Variants in REPS2 observed in about 807,000 individuals in gnomAD.
REPS2 encodes the protein ralBP1-associated Eps domain-containing protein 2.
A neutral mutation model predicts 53.6 loss-of-function variants in REPS2; 23 were observed. The observed-to-expected ratio is 0.43, with a 90% CI of 0.31 to 0.61. The LOEUF (loss-of-function observed/expected upper bound fraction) is 0.61. Ranked by LOEUF, REPS2 falls within the 20% of genes least tolerant of loss-of-function variation. The probability of loss-of-function intolerance (pLI) is 0.11; values close to 1 mark genes in which losing one functional copy is unlikely to be tolerated. For synonymous variants in REPS2, 238 were observed against 218.6 expected (o/e 1.09, Z -0.78); for missense variants, 446 against 534.9 (o/e 0.83, Z 1.64).
At chrX:16,978,513 T>C (rs2060984014) in intron 1 of REPS2, 4 of 734,074 alleles carry the variant, frequency 5.4e-6, no homozygotes, top group Admixed American at 9.0e-5. Context: ...TTTCTTTTTT[T>C]TTTTGTTGAG....
intron 17 of REPS2, among the ~76,000 whole-genome samples, chrX:17,144,895 T>G (rs1288993097): frequency 2.7e-5 from 3 of 111,569 alleles, no homozygotes; most frequent in Non-Finnish European, 3.8e-5. Context: ...CCATCAGAGT[T>G]GGGGCTTAGG....
At chrX:16,978,043 G>T (rs2060977338) in intron 1 of REPS2, among the ~76,000 whole-genome samples, 1 of 111,736 alleles carries the variant, frequency 8.9e-6, no homozygotes. Flanking sequence ...CATCATGGTG[G>T]TTCCTGGGTA....
At chrX:17,133,611 C>T (rs2063323448) in intron 14 of REPS2, among the ~76,000 whole-genome samples, 2 of 111,399 alleles carry the variant, frequency 1.8e-5, no homozygotes, top group Admixed American at 1.9e-4. Flanking sequence ...ATTCCTTTTC[C>T]TAAGGTTGAA....
chrX:17,172,967 GTGTA>G, the REPS2 span, among the ~76,000 whole-genome samples: 9 of 67,033 alleles, frequency 1.3e-4, no homozygotes, highest in African/African-American at 5.0e-4. Flanking sequence ...TTCAGTCTGT[GTGTA>G]TGTATGTGTG....
the REPS2 span, among the ~76,000 whole-genome samples, chrX:17,173,796 A>C: frequency 8.9e-6 from 1 of 112,068 alleles, no homozygotes; most frequent in Non-Finnish European, 1.9e-5. Context: ...CAATCTTTTC[A>C]TAGGCCCTTA....
At chrX:17,140,837 C>T (rs2063435140) in intron 17 of REPS2, among the ~76,000 whole-genome samples, 1 of 108,035 alleles carries the variant, frequency 9.3e-6, no homozygotes, top group South Asian at 4.0e-4. Context: ...GTGGCGTGAT[C>T]TCTGCTCACT....
chrX:17,104,581 C>T (rs1038822571), intron 14 of REPS2, among the ~76,000 whole-genome samples: 2 of 111,759 alleles, frequency 1.8e-5, no homozygotes, highest in Non-Finnish European at 3.8e-5. Flanking sequence ...CATACGGGGA[C>T]ATCTCAGGAC....
intron 13 of REPS2, among the ~76,000 whole-genome samples, chrX:17,086,725 G>T (rs377391308): frequency 4.3e-4 from 48 of 112,620 alleles, no homozygotes; most frequent in African/African-American, 1.4e-3. Flanking sequence ...CATTTAATTT[G>T]TGACTATTAT....
the REPS2 span, among the ~76,000 whole-genome samples, chrX:17,161,781 A>G: frequency 8.9e-6 from 1 of 112,110 alleles, no homozygotes; most frequent in Admixed American, 9.4e-5. Context: ...GTCTGTATTC[A>G]GTTTCCAACA....
intron 13 of REPS2, among the ~76,000 whole-genome samples, chrX:17,087,878 C>G (rs184169661): frequency 7.3e-5 from 8 of 110,006 alleles, no homozygotes; most frequent in African/African-American, 2.7e-4. Context: ...GAGCCGAGAT[C>G]GTGCCACTGC....
chrX:17,190,854 C>T, the REPS2 span, among the ~76,000 whole-genome samples: 2 of 111,976 alleles, frequency 1.8e-5, no homozygotes, highest in African/African-American at 6.5e-5. Context: ...GTTGCAAAGG[C>T]TTTGCAGTGG....
chrX:16,977,008 G>T (rs193074581), intron 1 of REPS2, among the ~76,000 whole-genome samples: 58 of 111,588 alleles, frequency 5.2e-4, no homozygotes, highest in African/African-American at 1.9e-3. Context: ...TGAAAGATTA[G>T]CATATTGATA....
At chrX:17,010,597 G>C (rs2061416673) in intron 2 of REPS2, among the ~76,000 whole-genome samples, 1 of 111,562 alleles carries the variant, frequency 9.0e-6, no homozygotes, top group South Asian at 3.8e-4. Context: ...TTCCTCACTT[G>C]TCCAGTTTGT....
intron 3 of REPS2, among the ~76,000 whole-genome samples, chrX:17,023,292 G>A (rs1234195769): frequency 9.0e-6 from 1 of 111,030 alleles, no homozygotes; most frequent in African/African-American, 3.3e-5. Flanking sequence ...GCCGGGCGTG[G>A]TGGCATGTGC....
At chrX:17,035,560 T>C (rs1484024852) in intron 5 of REPS2, among the ~76,000 whole-genome samples, 1 of 111,174 alleles carries the variant, frequency 9.0e-6, no homozygotes, top group Non-Finnish European at 1.9e-5. Context: ...TCAAGAATTA[T>C]TTACCAAGGC....
intron 1 of REPS2, among the ~76,000 whole-genome samples, chrX:16,962,587 T>C (rs1048915923): frequency 1.8e-5 from 2 of 111,244 alleles, no homozygotes; most frequent in African/African-American, 6.5e-5. Flanking sequence ...AGTCTAGAGA[T>C]GTACAGCAGG....
Position 17,143,581 on chromosome X carries a change from T to C in REPS2, c.1915-3832T>C, listed in dbSNP as rs543403744. ...ATTCTCCCTTACTGATATTCAGACA[T>C]TGGACTTCTTAGCTTAGTTCTCTAA... On this transcript the variant is annotated intron_variant, in intron 17 of 17. Coordinates refer to ENST00000357277, the MANE Select transcript of REPS2 (RefSeq NM_004726.3). Among the ~76,000 whole-genome samples, 22 of 108,321 alleles carry C rather than the reference T, an allele frequency of 2.0e-4. 2 individuals are homozygous for C. The highest frequency in any genetic ancestry group is 4.3e-4 in the South Asian group (1 of 2,314). 94.1% of individuals were successfully genotyped at this position (108,321 alleles called of 115,157 possible). A position where few individuals can be genotyped will look rare whatever the true frequency, so the allele number is the denominator to read the frequency against.
intron 1 of REPS2, among the ~76,000 whole-genome samples, chrX:16,976,122 A>G (rs1363641860): frequency 9.0e-6 from 1 of 111,716 alleles, no homozygotes; most frequent in Non-Finnish European, 1.9e-5. Flanking sequence ...TTTATATGCC[A>G]TCACAATATT....
intron 1 of REPS2, among the ~76,000 whole-genome samples, chrX:16,959,316 C>T (rs1394131562): frequency 4.5e-5 from 5 of 112,027 alleles, no homozygotes; most frequent in Non-Finnish European, 9.4e-5. Context: ...CCTGGTTGGC[C>T]TCACTCCTGG....
Sources: allele counts gnomAD v4.1 joint callset (sites outside exome capture counted in the v4.1 genomes callset), GRCh38; gene constraint gnomAD v4.1.1; transcripts MANE v1.5; gene names NCBI Gene and HGNC (gene_info 2026-07-23, HGNC 2026-07-21).